KLF13: variants seen among roughly 807,000 people sequenced by gnomAD.
The protein encoded by KLF13 is Krueppel-like factor 13.
A neutral mutation model predicts 16.7 loss-of-function variants in KLF13; 8 were observed. The ratio of observed to expected loss-of-function variants is 0.48; its 90% CI spans 0.28 to 0.87. The LOEUF (loss-of-function observed/expected upper bound fraction) is 0.87, where lower values mean the gene tolerates loss of function less well. Ranked by LOEUF, KLF13 falls within the 40% of genes least tolerant of loss-of-function variation. The probability of loss-of-function intolerance (pLI) is 0.10; values close to 1 mark genes in which losing one functional copy is unlikely to be tolerated. For synonymous variants in KLF13, 245 were observed against 208.4 expected (o/e 1.18, Z -1.51); for missense variants, 447 against 452.2 (o/e 0.99, Z 0.10).
chr15:31,331,462 C>T lies in KLF13; in HGVS notation c.577+3673C>T, dbSNP rs114879085. Among the ~76,000 whole-genome samples, 1,062 of 152,350 alleles carry T rather than the reference C, an allele frequency of 7.0e-3. 12 individuals are homozygous for T. The highest frequency in any genetic ancestry group is 0.025 in the African/African-American group (1,022 of 41,574). ...ACCCCTCCCCCAGGGCACACTCTGG[C>T]TTTAGAGACTTGTTTCCAAGCACAC... On this transcript the variant is annotated intron_variant, in intron 1 of 1. Coordinates refer to ENST00000307145, the MANE Select transcript of KLF13 (RefSeq NM_015995.4).
intron 1 of KLF13, among the ~76,000 whole-genome samples, chr15:31,358,387 T>C (rs1031611372): frequency 1.1e-4 from 16 of 152,254 alleles, no homozygotes; most frequent in African/African-American, 3.9e-4. Flanking sequence ...CAGCAATGGA[T>C]GAGAGCTCCA....
upstream of KLF13, among the ~76,000 whole-genome samples, chr15:31,392,563 G>C (rs943266834): frequency 1.3e-5 from 2 of 152,216 alleles, no homozygotes; most frequent in Non-Finnish European, 2.9e-5. Flanking sequence ...TCCCGCCCCT[G>C]AAGGGGCCTG....
intron 2 of KLF13, among the ~76,000 whole-genome samples, chr15:31,402,519 C>T (rs1566838097): frequency 6.6e-6 from 1 of 152,252 alleles, no homozygotes. Context: ...AGAAGACACT[C>T]AGGAAGTCCA....
chr15:31,434,648 G>A (rs1005740185), intron 1 of KLF13, among the ~76,000 whole-genome samples: 5 of 152,200 alleles, frequency 3.3e-5, no homozygotes, highest in African/African-American at 9.7e-5. Context: ...GGCCTGAAGC[G>A]GGTTAAGAGC....
At chr15:31,327,862 G>A (rs2140925337) in intron 1 of KLF13, 73 bp downstream of exon 1, 2 of 1,232,288 alleles carry the variant, frequency 1.6e-6, no homozygotes, top group African/African-American at 1.6e-5. Flanking sequence ...CGCCCCCGGA[G>A]TCCCCGATGG....
intron 1 of KLF13, among the ~76,000 whole-genome samples, chr15:31,344,024 C>G (rs2039072642): frequency 6.6e-6 from 1 of 152,222 alleles, no homozygotes; most frequent in South Asian, 2.1e-4. Flanking sequence ...GCCCTAAATA[C>G]TTGCTGTGCA....
At chr15:31,408,796 T>C (rs559401143), downstream of KLF13, among the ~76,000 whole-genome samples, 5 of 151,896 alleles carry the variant, frequency 3.3e-5, no homozygotes, top group African/African-American at 1.2e-4. Context: ...ACATACAAGA[T>C]CAGGTGGATA....
downstream of KLF13, among the ~76,000 whole-genome samples, chr15:31,406,907 C>A (rs2040136232): frequency 6.6e-6 from 1 of 152,168 alleles, no homozygotes; most frequent in African/African-American, 2.4e-5. Flanking sequence ...CTCTCGCCTC[C>A]CTCTTATGAG....
At chr15:31,426,968 C>T (rs2040407836) in intron 1 of KLF13, among the ~76,000 whole-genome samples, 1 of 152,210 alleles carries the variant, frequency 6.6e-6, no homozygotes, top group Non-Finnish European at 1.5e-5. Flanking sequence ...TCTCTCCAGC[C>T]TTTGGAGTCC....
chr15:31,419,900 T>A (rs762095326), intron 1 of KLF13, among the ~76,000 whole-genome samples: 8 of 152,092 alleles, frequency 5.3e-5, no homozygotes, highest in Non-Finnish European at 7.4e-5. Flanking sequence ...GTTTGATGTA[T>A]CAGAAGTCAA....
chr15:31,422,456 C>T (rs1301148320), intron 1 of KLF13, among the ~76,000 whole-genome samples: 1 of 152,080 alleles, frequency 6.6e-6, no homozygotes, highest in Non-Finnish European at 1.5e-5. Flanking sequence ...CATCAGATCT[C>T]CTAAGACTCA....
intron 1 of KLF13, among the ~76,000 whole-genome samples, chr15:31,360,701 TTTG>T (rs796493608): frequency 1.1e-3 from 169 of 152,284 alleles, no homozygotes; most frequent in African/African-American, 2.9e-3. Flanking sequence ...CGTTGTCTAA[TTTG>T]TTGTTGTTGT....
intron 1 of KLF13, among the ~76,000 whole-genome samples, chr15:31,383,490 C>T (rs2039753003): frequency 1.3e-5 from 2 of 151,672 alleles, no homozygotes; most frequent in Admixed American, 6.5e-5. Context: ...GGAGTGTCAG[C>T]GATGATGACA....
At chr15:31,333,132 CTGTT>C (rs10609536) in intron 1 of KLF13, among the ~76,000 whole-genome samples, 5,499 of 152,286 alleles carry the variant, frequency 0.036, 348 homozygotes, top group African/African-American at 0.12. Context: ...AGGCATCATT[CTGTT>C]TGTGTTAGTT....
At chr15:31,370,573 C>G (rs1427977805) in intron 1 of KLF13, among the ~76,000 whole-genome samples, 2 of 152,008 alleles carry the variant, frequency 1.3e-5, no homozygotes, top group African/African-American at 4.8e-5. Flanking sequence ...TGCACACCAC[C>G]ACACCTGGCT....
chr15:31,335,451 GTGTGTGTGTGTGTGTGTGTGTGTGTA>G (rs2038913436), intron 1 of KLF13, among the ~76,000 whole-genome samples: 3 of 90,774 alleles, frequency 3.3e-5, no homozygotes, highest in Non-Finnish European at 5.0e-5. Flanking sequence ...GTGTGTGTGT[GTGTGTGTGTGTGTGTGTGTGTGTGTA>G]TGGTGGCGGG....
At chr15:31,431,754 G>A (rs963933819) in intron 1 of KLF13, among the ~76,000 whole-genome samples, 3 of 152,322 alleles carry the variant, frequency 2.0e-5, no homozygotes, top group East Asian at 1.9e-4. Flanking sequence ...GTGAGCCACC[G>A]CGCCCAGCCT....
chr15:31,432,162 C>T (rs199859155), intron 1 of KLF13, among the ~76,000 whole-genome samples: 1 of 152,012 alleles, frequency 6.6e-6, no homozygotes, highest in African/African-American at 2.4e-5. Context: ...ACTTTCAGGT[C>T]GTTTTGCTGA....
intron 1 of KLF13, among the ~76,000 whole-genome samples, chr15:31,348,360 C>T (rs907822577): frequency 3.9e-5 from 6 of 152,158 alleles, no homozygotes; most frequent in Non-Finnish European, 5.9e-5. Flanking sequence ...AAAAACCACG[C>T]GTGGTACGTA....
Sources: allele counts gnomAD v4.1 joint callset (sites outside exome capture counted in the v4.1 genomes callset), GRCh38; gene constraint gnomAD v4.1.1; transcripts MANE v1.5; gene names NCBI Gene and HGNC (gene_info 2026-07-23, HGNC 2026-07-21).